The following ITLN1 variants were observed in gnomAD, a reference collection of about 807,000 sequenced individuals.
The protein encoded by ITLN1 is intelectin 1.
In ITLN1, 29 loss-of-function variants were observed where a neutral mutation model predicts 36.2. That is an observed-to-expected ratio of 0.80 (90% CI 0.60 to 1.09). The LOEUF (loss-of-function observed/expected upper bound fraction) is 1.09. Among genes scored for constraint, ITLN1 ranks in the 50% least tolerant of loss-of-function variants. The pLI is 0.00. For synonymous variants in ITLN1, 143 were observed against 146.5 expected (o/e 0.98, Z 0.17); for missense variants, 358 against 405.2 (o/e 0.88, Z 1.00).
intron 6 of ITLN1, among the ~76,000 whole-genome samples, chr1:160,880,005 A>T (rs962755787): frequency 6.6e-5 from 10 of 152,074 alleles, no homozygotes; most frequent in African/African-American, 2.4e-4. Flanking sequence ...AGGAGTAAAG[A>T]GTCTGGAGTC....
At chr1:160,879,607 C>T (rs911717591) in intron 6 of ITLN1, among the ~76,000 whole-genome samples, 193 bp from the exon 7 acceptor site, 4 of 152,166 alleles carry the variant, frequency 2.6e-5, no homozygotes, top group Non-Finnish European at 5.9e-5. Context: ...GGACCTTTTC[C>T]CAACCCCAGA....
chr1:160,876,884 G>T, intron 7 of ITLN1, 68 bp from the exon 8 acceptor site: 2 of 1,485,540 alleles, frequency 1.3e-6, no homozygotes, highest in Non-Finnish European at 1.9e-6. Context: ...CATCTTAACA[G>T]CTGAATCCAG....
At chr1:160,880,792 A>C (rs1670662799) in intron 5 of ITLN1, 84 bp from the exon 6 acceptor site, 43 of 1,460,270 alleles carry the variant, frequency 2.9e-5, no homozygotes, top group Non-Finnish European at 4.1e-5. Flanking sequence ...CCATTCATAG[A>C]GGAGAAACAA....
rs1262870011 is a variant in ITLN1 at position 160,881,315 on chromosome 1, G to A, written c.406-3C>T. 4 of 1,584,748 alleles carry A rather than the reference G, an allele frequency of 2.5e-6. No homozygotes were observed. The highest frequency in any genetic ancestry group is 1.8e-5 in the Admixed American group (1 of 56,878). On this transcript the variant is annotated splice_polypyrimidine_tract_variant and splice_region_variant and intron_variant, in intron 4 of 7. Coordinates refer to ENST00000326245, the MANE Select transcript of ITLN1 (RefSeq NM_017625.3). ...TGGATGTCGTAGTAGCCAGGGTTCTGGAAAGCAACAGACACTGAGCCTGAC... is the reference window on the plus strand; with the variant it reads ...TGGATGTCGTAGTAGCCAGGGTTCTAGAAAGCAACAGACACTGAGCCTGAC...
chr1:160,881,464 TC>T, intron 4 of ITLN1, 152 bp from the exon 5 acceptor site: 1 of 809,910 alleles, frequency 1.2e-6, no homozygotes, highest in Non-Finnish European at 1.8e-6. Context: ...CAGCCGATGA[TC>T]CCACCACACC....
Position 160,880,584 on chromosome 1 carries a change from T to A in ITLN1, c.685+4A>T. On this transcript the variant is annotated splice_donor_region_variant and intron_variant, in intron 6 of 7. Transcript: ENST00000326245. ...AGGAGTTCAGAGGATCATTAAAGAC[T>A]CACGCTGGCCATAGGGTGAGTAATA... is the stretch of plus-strand genomic sequence containing the variant. 1 of 1,613,970 alleles carries A rather than the reference T, an allele frequency of 6.2e-7. No individual in the cohort carries two copies. Among genetic ancestry groups the A allele is most frequent in the Non-Finnish European group, 8.5e-7 (1 of 1,179,940 alleles).
chr1:160,883,624 C>A (rs1209633317), intron 2 of ITLN1, 98 bp from the exon 3 acceptor site: 3 of 811,020 alleles, frequency 3.7e-6, no homozygotes, highest in Middle Eastern at 2.3e-4. Flanking sequence ...TGTAGCAGAA[C>A]CTCGCTGCCC....
rs1260359492 is a variant in ITLN1, at chr1:160,885,007, T to G, written c.-7+54A>C. The G allele has an allele frequency of 7.8e-6, 5 of 641,232 alleles. No homozygotes were observed. The East Asian group carries it at 1.3e-4, about 16-fold the overall frequency. 39.7% of individuals were successfully genotyped at this position (641,232 alleles called of 1,614,324 possible). ...GCCTTTTGTTTAAACTTCACACATC[T>G]CTGAGACCAAAAGCAGACCTAAGCT... On this transcript the variant is annotated intron_variant, in intron 1 of 7. Transcript: ENST00000326245.
chr1:160,877,795 CATGAATG>C (rs908988081), intron 7 of ITLN1, among the ~76,000 whole-genome samples: 9 of 152,204 alleles, frequency 5.9e-5, no homozygotes, highest in East Asian at 5.8e-4. Context: ...GGTGGTTTCA[CATGAATG>C]ATTTTACCAC....
Position 160,884,806 on chromosome 1 carries a change from G to C in ITLN1, c.58+14C>G. On this transcript the variant is annotated intron_variant, in intron 2 of 7. Transcript: ENST00000326245. The stretch of plus-strand genomic sequence containing the variant: ...CCAGCTGAAGGAACTGCTGTCCCTA[G>C]CAGCGTGACTCACCTGTACTCCATC... The C allele has an allele frequency of 6.3e-7, 1 of 1,592,588 alleles. No individual in the cohort carries two copies.
chr1:160,880,067 A>G (rs1670651732), intron 6 of ITLN1, among the ~76,000 whole-genome samples: 1 of 152,062 alleles, frequency 6.6e-6, no homozygotes, highest in African/African-American at 2.4e-5. Context: ...ACACTTTGGG[A>G]GCCGAAGGGG....
intron 2 of ITLN1, among the ~76,000 whole-genome samples, chr1:160,884,054 C>T (rs1393885801): frequency 6.6e-6 from 1 of 151,820 alleles, no homozygotes; most frequent in African/African-American, 2.4e-5. Context: ...CCTTCCAGTC[C>T]AGGTGACATC....
Position 160,881,281 on chromosome 1 carries a change from TC to T in ITLN1, c.436del (p.Asp146ThrfsTer22). On this transcript the variant is annotated frameshift_variant, in exon 5 of 8. Transcript: ENST00000326245. LOFTEE classifies it high-confidence loss of function. ...ATTGGGCACGTGCCAGATGCCCAGG[TC>T]CTTGGCCTGGATGTCGTAGTAGCCA... ...NPGYYDIQAK[D>X]LGIWHVPNKS... 3 of 1,608,026 alleles carry T rather than the reference TC, an allele frequency of 1.9e-6. No individual in the cohort carries two copies. In the South Asian group the frequency reaches 3.3e-5, roughly 18 times the overall value.
chr1:160,878,317 C>T (rs6703406), intron 7 of ITLN1, among the ~76,000 whole-genome samples: 88,168 of 151,862 alleles, frequency 0.58, 27,588 homozygotes, highest in Non-Finnish European at 0.68. Flanking sequence ...GTACAGCCTG[C>T]AGAACCATGA....
chr1:160,876,843 G>A (rs1379332869), intron 7 of ITLN1, 27 bp from the exon 8 acceptor site: 3 of 1,610,560 alleles, frequency 1.9e-6, no homozygotes, highest in Non-Finnish European at 1.7e-6. Context: ...GGAAGAGGCA[G>A]TAATGAGAGA....
At chr1:160,882,379 C>A in intron 3 of ITLN1, 175 bp from the exon 4 acceptor site, 1 of 593,756 alleles carries the variant, frequency 1.7e-6, no homozygotes, top group Non-Finnish European at 2.8e-6. Context: ...AGATCATGCT[C>A]CTGTAACTGA....
rs1259389444 is a variant in ITLN1 at position 160,876,719 on chromosome 1, C to T, written c.887G>A (p.Gly296Asp). The T allele has an allele frequency of 7.4e-6, 12 of 1,614,224 alleles. No homozygotes were observed. Among genetic ancestry groups the T allele is most frequent in the African/African-American group, 1.3e-5 (1 of 75,060 alleles). Residue 296 changes from glycine (G) to aspartate (D), a missense_variant, in exon 8 of 8, where the codon GGT becomes GAT. Physicochemically the swap from Gly to Asp is moderately conservative, Grantham distance 94. Transcript: ENST00000326245. ...AGTTATCTCACGGCTGCTGCTGTAA[C>T]CAACATGAGTTCCATATCCACTCCA... is the stretch of plus-strand genomic sequence containing the variant. ...FDWSGYGTHV[G>D]YSSSREITEA...
chr1:160,879,233 A>AT, intron 7 of ITLN1, 78 bp downstream of exon 7: 1 of 1,009,726 alleles, frequency 9.9e-7, no homozygotes, highest in Non-Finnish European at 1.6e-6. Context: ...TACCACACTC[A>AT]ACACACTCAC....
At chr1:160,878,678 C>G (rs1670632116) in intron 7 of ITLN1, among the ~76,000 whole-genome samples, 1 of 151,996 alleles carries the variant, frequency 6.6e-6, no homozygotes, top group Non-Finnish European at 1.5e-5. Flanking sequence ...AGCCACCATG[C>G]CTGGCCAGTA....
Sources: allele counts gnomAD v4.1 joint callset (sites outside exome capture counted in the v4.1 genomes callset), GRCh38; gene constraint gnomAD v4.1.1; transcripts MANE v1.5; gene names NCBI Gene and HGNC (gene_info 2026-07-23, HGNC 2026-07-21).